Variants in KIAA1217 observed in about 807,000 individuals in gnomAD.
KIAA1217 encodes sickle tail protein homolog.
In KIAA1217, 88 loss-of-function variants were observed where a neutral mutation model predicts 163.9. The observed-to-expected ratio is 0.54, with a 90% confidence interval of 0.45 to 0.64. The LOEUF (loss-of-function observed/expected upper bound fraction) is 0.64. Among genes scored for constraint, KIAA1217 ranks in the 30% least tolerant of loss-of-function variants. The pLI, the probability that KIAA1217 is intolerant of heterozygous loss-of-function variation, is 0.00. For synonymous variants in KIAA1217, 903 were observed against 923.1 expected, an observed-to-expected ratio of 0.98 and a Z score of 0.39; for missense variants, 2,372 against 2,475.0, an observed-to-expected ratio of 0.96 and a Z score of 0.88.
At chr10:24,523,308 C>T (rs189532417) in intron 12 of KIAA1217, among the ~76,000 whole-genome samples, 16 of 152,156 alleles carry the variant, frequency 1.1e-4, no homozygotes, top group East Asian at 3.9e-4. Context: ...GGCAACAGAG[C>T]GAGGCCCTGT....
At chr10:23,852,124 C>T (rs7067862) in intron 1 of KIAA1217, among the ~76,000 whole-genome samples, 2 of 152,068 alleles carry the variant, frequency 1.3e-5, no homozygotes, top group Admixed American at 6.6e-5. Flanking sequence ...CCTAGGTTTT[C>T]TTCTAGGGTT....
chr10:23,823,702 A>G (rs919875096), intron 1 of KIAA1217, among the ~76,000 whole-genome samples: 1 of 152,156 alleles, frequency 6.6e-6, no homozygotes, highest in East Asian at 1.9e-4. Context: ...CCTACTTTTA[A>G]GTTAGAAAAC....
chr10:24,462,971 C>T (rs1481220450), intron 5 of KIAA1217, among the ~76,000 whole-genome samples: 3 of 152,148 alleles, frequency 2.0e-5, no homozygotes, highest in East Asian at 3.8e-4. Flanking sequence ...GAACAAGGTT[C>T]GTCCAGGAAA....
intron 1 of KIAA1217, among the ~76,000 whole-genome samples, chr10:23,792,329 G>A (rs1835988067): frequency 6.6e-6 from 1 of 152,126 alleles, no homozygotes; most frequent in South Asian, 2.1e-4. Context: ...GAATCCTTTT[G>A]CAAAGTGAGG....
At chr10:23,712,766 CTG>C (rs1837340747) in intron 1 of KIAA1217, among the ~76,000 whole-genome samples, 1 of 152,116 alleles carries the variant, frequency 6.6e-6, no homozygotes, top group African/African-American at 2.4e-5. Context: ...GTACATGTCA[CTG>C]TTATCTAATT....
At chr10:24,457,344 T>TTGTG (rs376333005) in intron 5 of KIAA1217, among the ~76,000 whole-genome samples, 16 of 130,732 alleles carry the variant, frequency 1.2e-4, no homozygotes, top group South Asian at 4.6e-4. Flanking sequence ...GTTTTTTGTT[T>TTGTG]TGTGTGTGTG....
intron 1 of KIAA1217, among the ~76,000 whole-genome samples, chr10:23,806,352 G>A (rs1052831914): frequency 1.3e-5 from 2 of 152,156 alleles, no homozygotes; most frequent in South Asian, 2.1e-4. Flanking sequence ...AGAAACAAAT[G>A]ATAAAATGTG....
At chr10:24,049,386 C>A (rs1294540115) in intron 2 of KIAA1217, among the ~76,000 whole-genome samples, 1 of 152,202 alleles carries the variant, frequency 6.6e-6, no homozygotes, top group East Asian at 1.9e-4. Flanking sequence ...TAAATTATCT[C>A]TTTTTTTAAC....
chr10:24,291,059 CCTT>C lies in KIAA1217; in HGVS notation c.354+71154_354+71156del, dbSNP rs2079043444. Reference sequence around the variant, plus strand: ...GTGAATAAGTTTTGGAATGCTTCCTCCTTCTTGTTGACCACAGTGGTTGTTGAC... The same window carrying C: ...GTGAATAAGTTTTGGAATGCTTCCTCCTTGTTGACCACAGTGGTTGTTGAC... On this transcript the variant is annotated intron_variant, in intron 2 of 20. Transcript: ENST00000376454. Among the ~76,000 whole-genome samples the C allele has an allele frequency of 2.0e-5, 3 of 152,178 alleles. No homozygotes were observed. In the South Asian group the frequency reaches 6.2e-4, roughly 32 times the overall value.
intron 9 of KIAA1217, among the ~76,000 whole-genome samples, chr10:24,508,069 T>C (rs568788582): frequency 2.0e-4 from 31 of 152,170 alleles, no homozygotes; most frequent in African/African-American, 6.7e-4. Flanking sequence ...AAAAATATTA[T>C]AAGGGAAGAA....
rs766362132 is a variant in KIAA1217 at position 24,543,193 on chromosome 10, A to G, written c.3923A>G (p.Glu1308Gly). The G allele has an allele frequency of 1.2e-6, 2 of 1,613,714 alleles. No individual in the cohort carries two copies. Among genetic ancestry groups the G allele is most frequent in the Admixed American group, 1.7e-5 (1 of 59,966 alleles). ...NQTLNYGKTK[E>G]MEKQNTDKCH... ...ACGCTGAATTACGGAAAGACAAAGG[A>G]GATGGAAAAGCAAAATACGGATAAG... Residue 1308 changes from glutamate (E) to glycine (G), a missense_variant, in exon 19 of 21, where the codon GAG becomes GGG. Glu to Gly is a moderately conservative substitution (Grantham distance 98). This residue lies in a region of KIAA1217 where 251 missense variants were observed against 327.3 expected (regional missense o/e 0.77). Coordinates refer to ENST00000376454, the MANE Select transcript of KIAA1217 (RefSeq NM_019590.5).
chr10:24,360,731 C>T (rs1266897565), intron 2 of KIAA1217, among the ~76,000 whole-genome samples: 1 of 152,046 alleles, frequency 6.6e-6, no homozygotes, highest in Non-Finnish European at 1.5e-5. Context: ...CAACTCGAAA[C>T]GTAATCAACG....
intron 2 of KIAA1217, among the ~76,000 whole-genome samples, chr10:24,048,460 G>A (rs1332315721): frequency 2.0e-5 from 3 of 152,202 alleles, no homozygotes; most frequent in African/African-American, 7.2e-5. Flanking sequence ...GTTGGGCACG[G>A]TGGCTCACGC....
At chr10:24,324,524 G>T (rs2133376596) in intron 2 of KIAA1217, among the ~76,000 whole-genome samples, 1 of 152,284 alleles carries the variant, frequency 6.6e-6, no homozygotes, top group Admixed American at 6.5e-5. Context: ...CCAAGATCCT[G>T]TCACTGCGCT....
rs78144022 is a variant in KIAA1217 at position 24,353,789 on chromosome 10, T to C, written c.355-27080T>C. 5.0e-3 allele frequency among the ~76,000 whole-genome samples: 767 copies of C among 152,328 alleles called. 6 individuals are homozygous for C. The highest frequency in any genetic ancestry group is 5.4e-3 in the Non-Finnish European group (364 of 68,024). ...GAGCATACATTCTATTTTAATTCATTGTAATTAGAGGGATGAGCATTACAC... is the reference window on the plus strand; with the variant it reads ...GAGCATACATTCTATTTTAATTCATCGTAATTAGAGGGATGAGCATTACAC... On this transcript the variant is annotated intron_variant, in intron 2 of 20. Transcript: ENST00000376454.
chr10:24,402,451 G>A (rs1363055281), intron 3 of KIAA1217, among the ~76,000 whole-genome samples: 3 of 149,664 alleles, frequency 2.0e-5, no homozygotes, highest in Non-Finnish European at 2.9e-5. Flanking sequence ...GGAGCTTGCA[G>A]TGAGCCGAGA....
chr10:24,374,962 T>C (rs2052263078), intron 2 of KIAA1217, among the ~76,000 whole-genome samples: 1 of 152,110 alleles, frequency 6.6e-6, no homozygotes, highest in Non-Finnish European at 1.5e-5. Flanking sequence ...TTTTTTAATT[T>C]TTTGTAGAGA....
chr10:23,918,206 T>C (rs934249039), intron 1 of KIAA1217, among the ~76,000 whole-genome samples: 4 of 150,858 alleles, frequency 2.7e-5, no homozygotes, highest in Admixed American at 1.3e-4. Flanking sequence ...CCCCAGGTTG[T>C]TCTCAAACTC....
chr10:24,020,963 C>T (rs1847706226), intron 2 of KIAA1217, among the ~76,000 whole-genome samples: 1 of 151,968 alleles, frequency 6.6e-6, no homozygotes, highest in Admixed American at 6.6e-5. Context: ...GGAAAGTCTA[C>T]CTGCAACCTA....
Sources: gnomAD v4.1 joint callset for allele counts (sites outside exome capture counted in the v4.1 genomes callset) on GRCh38, gnomAD v4.1.1 for gene constraint, gnomAD v4.1.1 regional missense constraint, MANE v1.5 for transcripts, NCBI Gene and HGNC (gene_info 2026-07-23, HGNC 2026-07-21) for gene names.